Variants in CDH24 observed in about 807,000 individuals in gnomAD.
The protein encoded by CDH24 is cadherin 24.
In CDH24, 61 loss-of-function variants were observed where a neutral mutation model predicts 71.2. The ratio of observed to expected loss-of-function variants is 0.86; its 90% confidence interval spans 0.70 to 1.06. The LOEUF (loss-of-function observed/expected upper bound fraction) is 1.06. Ranked by LOEUF, CDH24 falls within the 50% of genes least tolerant of loss-of-function variation. The pLI, the probability that CDH24 is intolerant of heterozygous loss-of-function variation, is 0.00. For missense variants in CDH24, 961 were observed against 1,083.7 expected (o/e 0.89, Z 1.59); for synonymous variants, 440 against 470.2 (o/e 0.94, Z 0.83).
At chr14:23,048,980 C>A in intron 11 of CDH24, 47 bp downstream of exon 11, 1 of 1,581,228 alleles carries the variant, frequency 6.3e-7, no homozygotes, top group South Asian at 1.1e-5. Flanking sequence ...CTCCACACCC[C>A]TGCAGGCCCA....
chr14:23,049,299 G>A (rs1328268630), intron 10 of CDH24, 24 bp from the exon 11 acceptor site: 1 of 1,553,166 alleles, frequency 6.4e-7, no homozygotes, highest in Non-Finnish European at 8.7e-7. Flanking sequence ...AAGGTGTTGA[G>A]GTATCTTCTG....
At position 23,054,017 on chromosome 14, in the gene CDH24, G is replaced by A; in HGVS notation, c.972+124C>T. On this transcript the variant is annotated intron_variant, in intron 6 of 12. Transcript: ENST00000487137. The surrounding 1 kb of genome is among the most constrained non-coding windows in gnomAD (Gnocchi z 5.2). Reference sequence around the variant, plus strand: ...GGCCTCATCTGAAGGATGAGGAGGTGACCATGATCTCTAAGCTCCAACAGA... The same window carrying A: ...GGCCTCATCTGAAGGATGAGGAGGTAACCATGATCTCTAAGCTCCAACAGA... 1 of 1,083,954 alleles carries A rather than the reference G, an allele frequency of 9.2e-7. No individual in the cohort carries two copies. Among genetic ancestry groups the A allele is most frequent in the Non-Finnish European group, 1.3e-6 (1 of 762,774 alleles). The allele number at this position is 1,083,954 out of a possible 1,614,324, so 67.1% of individuals were successfully genotyped here.
At chr14:23,049,310 G>A in intron 10 of CDH24, 35 bp from the exon 11 acceptor site, 2 of 1,539,906 alleles carry the variant, frequency 1.3e-6, no homozygotes, top group South Asian at 1.2e-5. Context: ...GTATCTTCTG[G>A]GACACCTTCC....
At chr14:23,052,899 G>A (rs2047095667) in intron 7 of CDH24, among the ~76,000 whole-genome samples, 1 of 152,106 alleles carries the variant, frequency 6.6e-6, no homozygotes, top group Non-Finnish European at 1.5e-5. Context: ...TCTGGGCCCT[G>A]TTCTGAGAAC....
rs763273345 is a variant in CDH24, at chr14:23,055,248, C to G, written c.307G>C (p.Val103Leu). 2 of 1,614,194 alleles carry G rather than the reference C, an allele frequency of 1.2e-6. No homozygotes were observed. The highest frequency in any genetic ancestry group is 1.7e-6 in the Non-Finnish European group (2 of 1,180,014). The change falls in exon 3 of 13, where the codon GTT becomes CTT. Residue 103 changes from valine to leucine, a missense_variant. By Grantham distance (32) the Val-to-Leu change is conservative (BLOSUM62 1). Around this residue, in one of 2 missense-constraint regions of CDH24, gnomAD observed 671 missense variants for 810.9 expected, o/e 0.83. Transcript: ENST00000487137. The surrounding 1 kb of genome is among the most constrained non-coding windows in gnomAD (Gnocchi z 4.1). ...VIDEATGNIH[V>L]TKSLDREEKA... ...TCCTCCCGGTCAAGGCTCTTGGTAA[C>G]ATGAATATTGCCTGTGGCCTCATCA...
At position 23,048,130 on chromosome 14, in the gene CDH24, G is replaced by A; in HGVS notation, c.2196C>T (p.Gly732=). ...YDSVQVYGYE[G]RGSSCGSLSS... is the part of the protein sequence containing the mutation. ...TGAGGGAGCCGCAAGAGGAGCCGCG[G>A]CCCTCGTAGCCGTACACCTGCACCG... Residue 732 remains glycine (G), a synonymous_variant, in exon 12 of 13, where the codon GGC becomes GGT. Coordinates refer to ENST00000487137, the MANE Select transcript of CDH24 (RefSeq NM_144985.4). 3.6e-6 allele frequency: 5 copies of A among 1,397,506 alleles called. No homozygotes were observed. The highest frequency in any genetic ancestry group is 3.7e-6 in the Non-Finnish European group (4 of 1,079,342). 86.6% of individuals were successfully genotyped at this position (1,397,506 alleles called of 1,614,324 possible). A position where few individuals can be genotyped will look rare whatever the true frequency, so the allele number is the denominator to read the frequency against.
At chr14:23,052,430 G>C in intron 8 of CDH24, 43 bp downstream of exon 8, 1 of 1,609,882 alleles carries the variant, frequency 6.2e-7, no homozygotes, top group Non-Finnish European at 8.5e-7. Context: ...ACAGCTCCTC[G>C]GCCAGGAGGC....
rs750394497 is a variant in CDH24 at position 23,052,521 on chromosome 14, G to A, written c.1315C>T (p.Arg439Cys). The A allele has an allele frequency of 6.8e-6, 11 of 1,613,916 alleles. No homozygotes were observed. The highest frequency in any genetic ancestry group is 1.6e-4 in the Middle Eastern group (1 of 6,084). ...GTIHTAAPLD[R>C]EARAWHNLTV... is the part of the protein sequence containing the mutation. ...AGGTTGTGCCAGGCGCGAGCCTCGC[G>A]ATCCAGGGGTGCTGCTGTATGGATG... is the stretch of plus-strand genomic sequence containing the variant. Residue 439 changes from arginine (R) to cysteine (C), a missense_variant, in exon 8 of 13, where the codon CGC (arginine) becomes TGC (cysteine). Arg to Cys is a radical substitution (Grantham distance 180). Around this residue, in one of 2 missense-constraint regions of CDH24, gnomAD observed 671 missense variants for 810.9 expected, o/e 0.83. Coordinates refer to ENST00000487137, the MANE Select transcript of CDH24 (RefSeq NM_144985.4).
At position 23,054,329 on chromosome 14, in the gene CDH24, CT is replaced by C. The variant is rs892237058; in HGVS notation, c.785-2del. On this transcript the variant is annotated splice_acceptor_variant, in intron 5 of 12. Coordinates refer to ENST00000487137, the MANE Select transcript of CDH24 (RefSeq NM_144985.4). LOFTEE classifies it high-confidence loss of function. The surrounding 1 kb of genome is among the most constrained non-coding windows in gnomAD (Gnocchi z 5.2). ...TCCACCACGGAGAACTGGTATAGGCCTTGGGATGACAGAGGGGAGACACCTT... is the reference window on the plus strand; with the variant it reads ...TCCACCACGGAGAACTGGTATAGGCCTGGGATGACAGAGGGGAGACACCTT... 2 of 1,581,176 alleles carry C rather than the reference CT, an allele frequency of 1.3e-6. No individual in the cohort carries two copies. The highest frequency in any genetic ancestry group is 2.7e-5 in the African/African-American group (2 of 73,944).
intron 8 of CDH24, among the ~76,000 whole-genome samples, chr14:23,050,975 T>C (rs972104766): frequency 1.3e-5 from 2 of 151,894 alleles, no homozygotes; most frequent in African/African-American, 4.8e-5. Context: ...CTAGGTGATG[T>C]CTGGGTGCGG....
chr14:23,049,357 ATAGAGCCAGCCCCCCATAGAGCCAGC>A, intron 10 of CDH24, 82 bp from the exon 11 acceptor site: 1 of 1,359,364 alleles, frequency 7.4e-7, no homozygotes, highest in Non-Finnish European at 1.0e-6. Flanking sequence ...CCAGCTTCCC[ATAGAGCCAGCCCCCCATAGAGCCAGC>A]CCATAGGTCC....
rs1231149922 is a variant in CDH24 at position 23,054,478 on chromosome 14, G to C, written c.784+28C>G. ...TGTAGGGGTGGGGTGATCAAAGGAT[G>C]GCTCAGGTGGCAGCAATGGCCCCTT... On this transcript the variant is annotated intron_variant, in intron 5 of 12. Coordinates refer to ENST00000487137, the MANE Select transcript of CDH24 (RefSeq NM_144985.4). This position sits in a 1 kb window ranked among gnomAD's most constrained non-coding sequence, Gnocchi z 5.2. 6.2e-7 allele frequency: 1 copy of C among 1,601,550 alleles called. No homozygotes were observed. The highest frequency in any genetic ancestry group is 8.5e-7 in the Non-Finnish European group (1 of 1,172,250).
chr14:23,056,493 G>GAGAC (rs1197954611), intron 1 of CDH24, among the ~76,000 whole-genome samples: 1 of 152,218 alleles, frequency 6.6e-6, no homozygotes, highest in African/African-American at 2.4e-5. Flanking sequence ...CCAGAGGCTA[G>GAGAC]AGACAGATAA....
At position 23,055,426 on chromosome 14, in the gene CDH24, G is replaced by A. The variant is rs1249850870; in HGVS notation, c.202-73C>T. The A allele has an allele frequency of 1.3e-6, 2 of 1,583,420 alleles. No homozygotes were observed. Among genetic ancestry groups the A allele is most frequent in the Admixed American group, 1.7e-5 (1 of 58,418 alleles). ...GGGTTAAAGAGTCTAGGTTTGGGTA[G>A]AGCGTTGGGAGTCCTGAGGGACCAA... On this transcript the variant is annotated intron_variant, in intron 2 of 12. Transcript: ENST00000487137. The surrounding 1 kb of genome is among the most constrained non-coding windows in gnomAD (Gnocchi z 4.1).
rs2047084314 is a variant in CDH24 at position 23,051,397 on chromosome 14, G to A, written c.1363+1076C>T. On this transcript the variant is annotated intron_variant, in intron 8 of 12. Transcript: ENST00000487137. The surrounding 1 kb of genome is among the most constrained non-coding windows in gnomAD (Gnocchi z 4.4). ...ATCATACTTCCCTCATAAAGTTGTG[G>A]TGATGATTAAATGAATGAATCCATT... Among the ~76,000 whole-genome samples the A allele has an allele frequency of 6.6e-6, 1 of 152,118 alleles. No individual in the cohort carries two copies. Among genetic ancestry groups the A allele is most frequent in the Admixed American group, 6.5e-5 (1 of 15,270 alleles).
At position 23,055,833 on chromosome 14, in the gene CDH24, T is replaced by G; in HGVS notation, c.-100A>C. 1 of 995,582 alleles carries G rather than the reference T, an allele frequency of 1.0e-6. No individual in the cohort carries two copies. Among genetic ancestry groups the G allele is most frequent in the South Asian group, 1.7e-5 (1 of 58,088 alleles). The allele number at this position is 995,582 out of a possible 1,614,324, so 61.7% of individuals were successfully genotyped here. The stretch of plus-strand genomic sequence containing the variant: ...TGGCTGGGGTGGAGGGGCAGATGCG[T>G]TGAGGCTACCCCATGGATCCACACC... On this transcript the variant is annotated 5_prime_UTR_variant, in exon 2 of 13. Transcript: ENST00000487137. The surrounding 1 kb of genome is among the most constrained non-coding windows in gnomAD (Gnocchi z 4.1).
At position 23,047,839 on chromosome 14, in the gene CDH24, G is replaced by T; in HGVS notation, c.*141C>A. 1 of 486,272 alleles carries T rather than the reference G, an allele frequency of 2.1e-6. No homozygotes were observed. The highest frequency in any genetic ancestry group is 3.2e-6 in the Non-Finnish European group (1 of 308,250). 30.1% of individuals were successfully genotyped at this position (486,272 alleles called of 1,614,324 possible). ...GGGAGGTGAGAGCGAGGGTGCCCCGGGGAAGCAAGGAGGGACACAAGGACA... is the reference window on the plus strand; with the variant it reads ...GGGAGGTGAGAGCGAGGGTGCCCCGTGGAAGCAAGGAGGGACACAAGGACA... On this transcript the variant is annotated 3_prime_UTR_variant, in exon 12 of 13. Coordinates refer to ENST00000487137, the MANE Select transcript of CDH24 (RefSeq NM_144985.4).
rs1227938435 is a variant in CDH24, at chr14:23,048,145, C to G, written c.2181G>C (p.Val727=). 4.3e-6 allele frequency: 6 copies of G among 1,384,312 alleles called. No homozygotes were observed. The highest frequency in any genetic ancestry group is 5.6e-6 in the Non-Finnish European group (6 of 1,068,814). The allele number at this position is 1,384,312 out of a possible 1,614,324, so 85.8% of individuals were successfully genotyped here. Residue 727 remains valine (V), a synonymous_variant, in exon 12 of 13, where the codon GTG becomes GTC. Transcript: ENST00000487137. ...AGGAGCCGCGGCCCTCGTAGCCGTA[C>G]ACCTGCACCGAGTCGTACGGGGGTA... is the stretch of plus-strand genomic sequence containing the variant. ...PGVPPYDSVQ[V]YGYEGRGSSC...
chr14:23,053,348 G>T, intron 7 of CDH24, 148 bp downstream of exon 7: 2 of 970,368 alleles, frequency 2.1e-6, no homozygotes, highest in Non-Finnish European at 2.9e-6. Flanking sequence ...TGGCACCCAG[G>T]CCTGCAGACC....
Sources: allele counts gnomAD v4.1 joint callset (sites outside exome capture counted in the v4.1 genomes callset), GRCh38; gene constraint gnomAD v4.1.1; regional missense constraint gnomAD v4.1.1; non-coding constraint Gnocchi (gnomAD v3.1); transcripts MANE v1.5; gene names NCBI Gene and HGNC (gene_info 2026-07-23, HGNC 2026-07-21).